NGEF: variants seen among roughly 807,000 people sequenced by gnomAD.
NGEF encodes neuronal guanine nucleotide exchange factor, also known as ephexin-1.
NGEF carries 31 observed loss-of-function variants against 80.9 expected under a neutral mutation model. The observed-to-expected ratio is 0.38, with a 90% CI of 0.29 to 0.52. NGEF has a LOEUF of 0.52. NGEF is among the 20% of genes least tolerant of loss of function. NGEF has a pLI of 0.84. For synonymous variants in NGEF, 371 were observed against 370.2 expected (o/e 1.00, Z -0.03); for missense variants, 709 against 926.2 (o/e 0.77, Z 3.04).
At chr2:232,989,955 A>G (rs1051164568) in intron 1 of NGEF, among the ~76,000 whole-genome samples, 8 of 152,204 alleles carry the variant, frequency 5.3e-5, no homozygotes, top group Non-Finnish European at 1.0e-4. Flanking sequence ...CACCATGGTA[A>G]AGAAGAGACT....
chr2:232,882,779 T>G (rs1359594605), intron 12 of NGEF, among the ~76,000 whole-genome samples: 1 of 152,154 alleles, frequency 6.6e-6, no homozygotes, highest in Non-Finnish European at 1.5e-5. Context: ...ACGAGTGCAC[T>G]GCAATCTCAG....
intron 3 of NGEF, chr2:232,928,042 A>G: frequency 8.6e-7 from 1 of 1,165,990 alleles, no homozygotes; most frequent in Non-Finnish European, 1.1e-6. Flanking sequence ...GTCGGGGGCC[A>G]CGCCGGGGCC....
At chr2:233,004,346 A>C (rs1400781730) in intron 1 of NGEF, among the ~76,000 whole-genome samples, 2 of 152,014 alleles carry the variant, frequency 1.3e-5, no homozygotes, top group Non-Finnish European at 2.9e-5. Context: ...CACACACCTG[A>C]GCATGTCATT....
chr2:232,920,768 T>C (rs983065990), intron 4 of NGEF, among the ~76,000 whole-genome samples, 183 bp from the exon 5 acceptor site: 1 of 152,140 alleles, frequency 6.6e-6, no homozygotes, highest in African/African-American at 2.4e-5. Context: ...ACTGCCATCG[T>C]CCTCATTTCT....
chr2:232,894,606 GTTC>G (rs1691995054), intron 6 of NGEF, 147 bp downstream of exon 6: 2 of 879,854 alleles, frequency 2.3e-6, no homozygotes, highest in Non-Finnish European at 3.2e-6. Flanking sequence ...TTTGGATTTA[GTTC>G]TTCATTTATT....
intron 5 of NGEF, among the ~76,000 whole-genome samples, chr2:232,898,165 A>T (rs1692158848): frequency 6.6e-6 from 1 of 152,268 alleles, no homozygotes. Flanking sequence ...GTTACAGCTC[A>T]CAAGTTCCAA....
chr2:232,956,821 A>C (rs1199060192), intron 3 of NGEF, among the ~76,000 whole-genome samples: 3 of 151,288 alleles, frequency 2.0e-5, no homozygotes, highest in Non-Finnish European at 4.4e-5. Flanking sequence ...AGGTTACTGA[A>C]AAGTTACAGT....
Position 232,898,851 on chromosome 2 carries a change from T to C in NGEF, c.829-3935A>G, listed in dbSNP as rs534022353. 4.6e-5 allele frequency among the ~76,000 whole-genome samples: 7 copies of C among 152,330 alleles called. No homozygotes were observed. The South Asian group carries it at 1.5e-3, about 32-fold the overall frequency. On this transcript the variant is annotated intron_variant, in intron 5 of 14. Coordinates refer to ENST00000264051, the MANE Select transcript of NGEF (RefSeq NM_019850.3). ...GAGTGGGAATGAGTGTATGTGTGCA[T>C]AGACATACGCGAGTCAGGGTGTGAG...
chr2:232,939,804 C>G (rs965432348), intron 3 of NGEF, among the ~76,000 whole-genome samples: 1 of 152,060 alleles, frequency 6.6e-6, no homozygotes, highest in Non-Finnish European at 1.5e-5. Context: ...TCAAGACCAG[C>G]CTGGGCAACA....
intron 3 of NGEF, among the ~76,000 whole-genome samples, chr2:232,935,260 G>A (rs763766892): frequency 2.1e-4 from 32 of 152,316 alleles, no homozygotes; most frequent in Middle Eastern, 3.4e-3. Context: ...GTGGATGGAA[G>A]CTGAGATTAT....
intron 3 of NGEF, among the ~76,000 whole-genome samples, chr2:232,950,001 AG>A (rs955602978): frequency 6.6e-6 from 1 of 150,448 alleles, no homozygotes; most frequent in Non-Finnish European, 1.5e-5. Flanking sequence ...TAGCAGATAC[AG>A]GGTTTCACCA....
At chr2:232,966,088 G>A (rs926158016) in intron 3 of NGEF, among the ~76,000 whole-genome samples, 8 of 152,186 alleles carry the variant, frequency 5.3e-5, no homozygotes, top group South Asian at 2.1e-4. Context: ...AGCCCAAAGC[G>A]ATTTCCTGAC....
At chr2:232,891,317 C>T in intron 8 of NGEF, 41 bp downstream of exon 8, 2 of 1,609,974 alleles carry the variant, frequency 1.2e-6, no homozygotes, top group Non-Finnish European at 1.7e-6. Flanking sequence ...ACAGCAAAGC[C>T]TGGGAAGCCC....
rs1017480598 is a variant in NGEF at position 232,879,028 on chromosome 2, A to T, written c.*461T>A. The stretch of plus-strand genomic sequence containing the variant: ...GGCTGCTCATCAAGCTCCGTCAGGC[A>T]AGGGCGGCCTCATCTGTGCCTGGTA... On this transcript the variant is annotated 3_prime_UTR_variant, in exon 15 of 15. Coordinates refer to ENST00000264051, the MANE Select transcript of NGEF (RefSeq NM_019850.3). 16 of 153,592 alleles carry T rather than the reference A, an allele frequency of 1.0e-4. No individual in the cohort carries two copies. The highest frequency in any genetic ancestry group is 3.4e-4 in the African/African-American group (14 of 41,488). The allele number at this position is 153,592 out of a possible 1,614,324, so 9.5% of individuals were successfully genotyped here.
chr2:232,902,563 A>C (rs184113322), intron 5 of NGEF, among the ~76,000 whole-genome samples: 3 of 152,352 alleles, frequency 2.0e-5, no homozygotes, highest in Admixed American at 6.5e-5. Context: ...CACAAATGCC[A>C]ATTACTACGT....
At chr2:232,994,333 C>G (rs919078362) in intron 1 of NGEF, among the ~76,000 whole-genome samples, 54 of 150,178 alleles carry the variant, frequency 3.6e-4, no homozygotes, top group Non-Finnish European at 7.4e-5. Context: ...TTGCACCACC[C>G]CACTTCAGCC....
chr2:232,991,497 AT>A (rs1171202801), intron 1 of NGEF, among the ~76,000 whole-genome samples: 1 of 152,146 alleles, frequency 6.6e-6, no homozygotes, highest in Non-Finnish European at 1.5e-5. Context: ...AATACACAAT[AT>A]CATCAAAAAG....
chr2:232,960,554 G>A (rs1365237001), intron 3 of NGEF, among the ~76,000 whole-genome samples: 1 of 152,208 alleles, frequency 6.6e-6, no homozygotes, highest in African/African-American at 2.4e-5. Context: ...TCACTAGGTA[G>A]CTGTGCAGCC....
intron 1 of NGEF, among the ~76,000 whole-genome samples, chr2:233,000,593 T>C (rs1167541182): frequency 6.6e-6 from 1 of 151,376 alleles, no homozygotes; most frequent in African/African-American, 2.4e-5. Flanking sequence ...CCGTCTCTAG[T>C]AAAAAAAATA....
Sources: gnomAD v4.1 joint callset for allele counts (sites outside exome capture counted in the v4.1 genomes callset) on GRCh38, gnomAD v4.1.1 for gene constraint, MANE v1.5 for transcripts, NCBI Gene and HGNC (gene_info 2026-07-23, HGNC 2026-07-21) for gene names.